ASB9: variants seen among roughly 807,000 people sequenced by gnomAD.
ASB9 encodes the protein ankyrin repeat and SOCS box containing 9.
ASB9 carries 5 observed loss-of-function variants against 16.6 expected under a neutral mutation model. That is an observed-to-expected ratio of 0.30 (90% CI 0.16 to 0.63). The LOEUF is 0.63. Among genes scored for constraint, ASB9 ranks in the 30% least tolerant of loss-of-function variants. The probability of loss-of-function intolerance (pLI) is 0.82; values close to 1 mark genes in which losing one functional copy is unlikely to be tolerated. For missense variants in ASB9, 216 were observed against 229.4 expected (o/e 0.94, Z 0.38); for synonymous variants, 100 against 86.4 (o/e 1.16, Z -0.87).
intron 6 of ASB9, 97 bp downstream of exon 6, chrX:15,248,647 T>A (rs1246290511): frequency 6.3e-5 from 70 of 1,117,725 alleles, no homozygotes; most frequent in Non-Finnish European, 7.7e-5. Context: ...ATGATCTTTT[T>A]ATAGGAATGG....
chrX:15,247,266 TTCTC>T (rs746935588), intron 6 of ASB9, among the ~76,000 whole-genome samples: 3 of 111,880 alleles, frequency 2.7e-5, no homozygotes, highest in Non-Finnish European at 5.6e-5. Context: ...CAAGTAGTGA[TTCTC>T]TCCAGCAGCA....
intron 3 of ASB9, among the ~76,000 whole-genome samples, chrX:15,253,580 A>C (rs189971197): frequency 1.8e-5 from 2 of 112,023 alleles, no homozygotes; most frequent in Non-Finnish European, 3.8e-5. Flanking sequence ...AGCCTGGGCG[A>C]CAGAGCGAGA....
rs144457529 is a variant in ASB9, at chrX:15,244,550, G to C, written c.841C>G (p.Leu281Val). 2.5e-6 allele frequency: 3 copies of C among 1,197,156 alleles called. No homozygotes were observed. The highest frequency in any genetic ancestry group is 3.4e-6 in the Non-Finnish European group (3 of 882,493). The change falls in exon 7 of 7, where the codon CTC becomes GTC. Residue 281 changes from leucine to valine, a missense_variant. Coordinates refer to ENST00000380488, the MANE Select transcript of ASB9 (RefSeq NM_001031739.3). ...TGTTTCAGATCCTCTGGGAGGACGA[G>C]TTTGGTTATCTTATGATGCTGCTGG... ...GIQQHHKITK[L>V]VLPEDLKQFL... is the part of the protein sequence containing the mutation.
intron 4 of ASB9, among the ~76,000 whole-genome samples, chrX:15,250,870 G>A (rs978767743): frequency 3.6e-5 from 4 of 111,412 alleles, no homozygotes; most frequent in Non-Finnish European, 7.5e-5. Flanking sequence ...ACAGGCGCCC[G>A]CCACCACACC....
chrX:15,252,076 G>T (rs950312868), intron 4 of ASB9, among the ~76,000 whole-genome samples, 178 bp downstream of exon 4: 1 of 112,614 alleles, frequency 8.9e-6, no homozygotes, highest in Non-Finnish European at 1.9e-5. Flanking sequence ...TGATTCAATG[G>T]GGCTGGAGTG....
intron 1 of ASB9, among the ~76,000 whole-genome samples, chrX:15,267,456 A>G (rs1385332810): frequency 1.2e-5 from 1 of 84,832 alleles, no homozygotes; most frequent in Non-Finnish European, 2.3e-5. Flanking sequence ...AATTCCTTGT[A>G]AAAAGTGGCC....
At chrX:15,267,212 A>G (rs1286977444) in intron 1 of ASB9, among the ~76,000 whole-genome samples, 5 of 109,807 alleles carry the variant, frequency 4.6e-5, no homozygotes, top group African/African-American at 1.3e-4. Context: ...GCCTGGGGCA[A>G]CATGGTGAAA....
At position 15,254,741 on chromosome X, in the gene ASB9, G is replaced by C; in HGVS notation, c.278C>G (p.Ala93Gly). The C allele has an allele frequency of 1.2e-5, 14 of 1,203,542 alleles. No homozygotes were observed. Among genetic ancestry groups the C allele is most frequent in the Non-Finnish European group, 1.6e-5 (14 of 888,279 alleles). The change falls in exon 3 of 7, where the codon GCT (alanine) becomes GGT (glycine). Residue 93 changes from alanine to glycine, a missense_variant. By Grantham distance (60) the Ala-to-Gly change is moderately conservative. Transcript: ENST00000380488. ...TGTTGTTTCAGCTGCCCTTACCTGAGCTCCATGCTTTAATAAAATCTTCAC... is the reference window on the plus strand; with the variant it reads ...TGTTGTTTCAGCTGCCCTTACCTGACCTCCATGCTTTAATAAAATCTTCAC... ...SCVKILLKHG[A>G]QVNGVTADWH...
At chrX:15,270,153 A>C (rs765756810), upstream of ASB9, 14 of 244,125 alleles carry the variant, frequency 5.7e-5, no homozygotes, top group East Asian at 9.6e-4. Context: ...GGCCACAAGA[A>C]CCCTCCAGCC....
chrX:15,252,737 C>A (rs922233980), intron 3 of ASB9, among the ~76,000 whole-genome samples: 4 of 112,277 alleles, frequency 3.6e-5, no homozygotes, highest in African/African-American at 1.3e-4. Context: ...AATTCAATTT[C>A]TTAACGGGTG....
intron 6 of ASB9, among the ~76,000 whole-genome samples, chrX:15,246,845 TG>T (rs1312544829): frequency 9.0e-6 from 1 of 111,584 alleles, no homozygotes; most frequent in Non-Finnish European, 1.9e-5. Flanking sequence ...GCGGTCATGT[TG>T]GGCTGACAGT....
intron 1 of ASB9, among the ~76,000 whole-genome samples, chrX:15,263,543 T>TTCTTCTCTC (rs375172208): frequency 1.9e-5 from 2 of 107,078 alleles, no homozygotes; most frequent in Non-Finnish European, 3.9e-5. Flanking sequence ...CCTCTCCTCT[T>TTCTTCTCTC]TCTTCTCTCT....
At chrX:15,244,662 T>C (rs368074940) in intron 6 of ASB9, 32 bp from the exon 7 acceptor site, 72 of 1,146,476 alleles carry the variant, frequency 6.3e-5, no homozygotes, top group Middle Eastern at 4.8e-4. Flanking sequence ...AGTCATACAA[T>C]GGTGCTATTG....
At chrX:15,262,123 T>G (rs1189277255) in intron 1 of ASB9, among the ~76,000 whole-genome samples, 4 of 70,050 alleles carry the variant, frequency 5.7e-5, no homozygotes, top group Non-Finnish European at 1.0e-4. Context: ...AGTACTTCAT[T>G]CCTTTTTTTT....
At chrX:15,266,829 A>C (rs371839997) in intron 1 of ASB9, among the ~76,000 whole-genome samples, 11 of 83,067 alleles carry the variant, frequency 1.3e-4, no homozygotes, top group Non-Finnish European at 2.2e-4. Flanking sequence ...CCAGCTACTC[A>C]GGAGGCTGAG....
Position 15,244,514 on chromosome X carries a change from G to A in ASB9, c.877C>T (p.His293Tyr), listed in dbSNP as rs758175142. Residue 293 changes from histidine (H) to tyrosine (Y), a missense_variant, in exon 7 of 7, where the codon CAT (histidine) becomes TAT (tyrosine). His to Tyr is a moderately conservative substitution (Grantham distance 83). Coordinates refer to ENST00000380488, the MANE Select transcript of ASB9 (RefSeq NM_001031739.3). The stretch of plus-strand genomic sequence containing the variant: ...CCATTCCCTAGATGCATTTAAAGAT[G>A]TAGGAGAAACTGTTTCAGATCCTCT... ...LPEDLKQFLL[H>Y]L The A allele has an allele frequency of 3.3e-6, 4 of 1,196,543 alleles. No homozygotes were observed. In the South Asian group the frequency reaches 5.3e-5, roughly 16 times the overall value.
intron 1 of ASB9, among the ~76,000 whole-genome samples, chrX:15,268,020 TGTATA>T (rs1160767692): frequency 9.0e-6 from 1 of 111,168 alleles, no homozygotes; most frequent in African/African-American, 3.3e-5. Context: ...TTTTGGTACC[TGTATA>T]GTAGATTAAT....
At chrX:15,261,086 C>A (rs945106880) in intron 1 of ASB9, among the ~76,000 whole-genome samples, 2 of 111,652 alleles carry the variant, frequency 1.8e-5, no homozygotes, top group African/African-American at 6.5e-5. Flanking sequence ...AATGTCCTCA[C>A]GGCATTCTCT....
intron 1 of ASB9, among the ~76,000 whole-genome samples, chrX:15,269,321 A>C (rs1217197343): frequency 8.9e-6 from 1 of 111,861 alleles, no homozygotes; most frequent in Non-Finnish European, 1.9e-5. Flanking sequence ...CCAATGTTTT[A>C]AGTAAAACAA....
Sources: gnomAD v4.1 joint callset for allele counts (sites outside exome capture counted in the v4.1 genomes callset) on GRCh38, gnomAD v4.1.1 for gene constraint, MANE v1.5 for transcripts, NCBI Gene and HGNC (gene_info 2026-07-23, HGNC 2026-07-21) for gene names.